The following UBE2QL1 variants were observed in gnomAD, a reference collection of about 807,000 sequenced individuals.
The protein encoded by UBE2QL1 is ubiquitin-conjugating enzyme E2Q-like protein 1.
Under a neutral mutation model 12.6 loss-of-function variants are expected in UBE2QL1, and 5 were observed. The observed-to-expected ratio is 0.40, with a 90% CI of 0.21 to 0.83. UBE2QL1 has a LOEUF of 0.83. UBE2QL1 is among the 40% of genes least tolerant of loss of function. The pLI is 0.37. For synonymous variants in UBE2QL1, 96 were observed against 94.5 expected (o/e 1.02, Z -0.10); for missense variants, 99 against 222.6 (o/e 0.44, Z 3.53).
At chr5:6,486,189 TC>T (rs1226554112) in intron 1 of UBE2QL1, among the ~76,000 whole-genome samples, 1 of 151,926 alleles carries the variant, frequency 6.6e-6, no homozygotes, top group African/African-American at 2.4e-5. Flanking sequence ...TATGAGAAAA[TC>T]GACATTCAGA....
At chr5:6,461,544 C>A (rs114702687) in intron 1 of UBE2QL1, among the ~76,000 whole-genome samples, 12 of 86,966 alleles carry the variant, frequency 1.4e-4, no homozygotes, top group Non-Finnish European at 2.0e-4. Flanking sequence ...GCACCCACCA[C>A]CCCCCCCCGC....
chr5:6,449,934 G>C (rs1289680496), intron 1 of UBE2QL1, among the ~76,000 whole-genome samples: 1 of 151,294 alleles, frequency 6.6e-6, no homozygotes, highest in South Asian at 2.1e-4. Context: ...CTGCAGGTGG[G>C]TGCCGTGGGG....
rs1734658812 is a variant in UBE2QL1, at chr5:6,495,944, C to G, written c.*4595C>G. Among the ~76,000 whole-genome samples the G allele has an allele frequency of 6.6e-6, 1 of 152,204 alleles. No individual in the cohort carries two copies. The highest frequency in any genetic ancestry group is 2.1e-4 in the South Asian group (1 of 4,828). On this transcript the variant is annotated 3_prime_UTR_variant, in exon 2 of 2. Transcript: ENST00000399816. ...AATAATCTGGAAAGGCAAACAAACT[C>G]TGTTGACATTCGGGAAAGCAATAAG...
chr5:6,449,340 G>C (rs985791307), intron 1 of UBE2QL1, 93 bp downstream of exon 1: 12 of 1,178,436 alleles, frequency 1.0e-5, no homozygotes, highest in African/African-American at 4.8e-5. Flanking sequence ...GGCCAGCGCC[G>C]GCCCCTCCGG....
At chr5:6,449,389 G>C (rs1340150822) in intron 1 of UBE2QL1, 142 bp downstream of exon 1, 2 of 807,474 alleles carry the variant, frequency 2.5e-6, no homozygotes, top group African/African-American at 1.8e-5. Flanking sequence ...AGCGCCCCAC[G>C]GGGATGCTCC....
rs914761161 is a variant in UBE2QL1, at chr5:6,481,456, G to C, written c.355-9762G>C. The stretch of plus-strand genomic sequence containing the variant: ...CTCACGGGCCTATGGCTAGAGAGCA[G>C]AGAGGGGGCACGCTCCCCTCCCCGC... On this transcript the variant is annotated intron_variant, in intron 1 of 1. Coordinates refer to ENST00000399816, the MANE Select transcript of UBE2QL1 (RefSeq NM_001145161.3). The surrounding 1 kb of genome is among the most constrained non-coding windows in gnomAD (Gnocchi z 4.5). Among the ~76,000 whole-genome samples, 3 of 152,192 alleles carry C rather than the reference G, an allele frequency of 2.0e-5. No homozygotes were observed. The highest frequency in any genetic ancestry group is 2.9e-5 in the Non-Finnish European group (2 of 68,034).
At chr5:6,470,231 G>C (rs1739882168) in intron 1 of UBE2QL1, among the ~76,000 whole-genome samples, 1 of 152,174 alleles carries the variant, frequency 6.6e-6, no homozygotes, top group Non-Finnish European at 1.5e-5. Flanking sequence ...TGTGTGTCCA[G>C]GCCTGCAACT....
rs1368068521 is a variant in UBE2QL1 at position 6,479,032 on chromosome 5, G to A, written c.355-12186G>A. Among the ~76,000 whole-genome samples the A allele has an allele frequency of 1.3e-5, 2 of 152,114 alleles. No individual in the cohort carries two copies. The highest frequency in any genetic ancestry group is 4.8e-5 in the African/African-American group (2 of 41,432). On this transcript the variant is annotated intron_variant, in intron 1 of 1. Transcript: ENST00000399816. The surrounding 1 kb of genome is among the most constrained non-coding windows in gnomAD (Gnocchi z 4.2). ...GCCCTGGGGGCGTCCCTTCTATCGT[G>A]TGCAGCATCAGGAGTCTGTTGGATC... is the stretch of plus-strand genomic sequence containing the variant.
chr5:6,472,145 G>A (rs775930706), intron 1 of UBE2QL1, among the ~76,000 whole-genome samples: 73 of 152,124 alleles, frequency 4.8e-4, no homozygotes, highest in Non-Finnish European at 8.5e-4. Flanking sequence ...CTGGTGGGCC[G>A]GCTGTGTCAC....
chr5:6,489,431 A>AAAAAAG (rs1553989719), intron 1 of UBE2QL1, among the ~76,000 whole-genome samples: 113 of 151,212 alleles, frequency 7.5e-4, no homozygotes, highest in African/African-American at 2.6e-3. Context: ...CTGTAAAAAA[A>AAAAAAG]AAAAAGAAAA....
intron 1 of UBE2QL1, among the ~76,000 whole-genome samples, chr5:6,453,238 A>G (rs999911143): frequency 2.0e-5 from 3 of 152,218 alleles, no homozygotes; most frequent in Non-Finnish European, 4.4e-5. Context: ...GGTGGAGTTT[A>G]TACAGCCACA....
Position 6,491,447 on chromosome 5 carries a change from C to T in UBE2QL1, c.*98C>T, listed in dbSNP as rs559477013. 6.6e-4 allele frequency: 923 copies of T among 1,402,902 alleles called. 1 individual carries two copies. The Middle Eastern group carries it at 7.1e-3, about 11-fold the overall frequency. The allele number at this position is 1,402,902 out of a possible 1,614,324, so 86.9% of individuals were successfully genotyped here. A position where few individuals can be genotyped will look rare whatever the true frequency, so the allele number is the denominator to read the frequency against. Reference sequence around the variant, plus strand: ...TGTGCATCCTCCACCCGTTTTTACTCCAGCCAGAACTGCATCCTGAATGCC... The same window carrying T: ...TGTGCATCCTCCACCCGTTTTTACTTCAGCCAGAACTGCATCCTGAATGCC... On this transcript the variant is annotated 3_prime_UTR_variant, in exon 2 of 2. Transcript: ENST00000399816.
At chr5:6,487,843 C>G (rs1734493445) in intron 1 of UBE2QL1, among the ~76,000 whole-genome samples, 1 of 152,202 alleles carries the variant, frequency 6.6e-6, no homozygotes, top group South Asian at 2.1e-4. Context: ...TCCCAAAGAC[C>G]TGCAGCAAGC....
At chr5:6,490,720 A>T (rs1734552106) in intron 1 of UBE2QL1, among the ~76,000 whole-genome samples, 1 of 152,270 alleles carries the variant, frequency 6.6e-6, no homozygotes, top group South Asian at 2.1e-4. Flanking sequence ...ATACAAATAT[A>T]CACATCTCTC....
In UBE2QL1 at chr5:6,478,541, G is replaced by A. The variant is rs769753730; in HGVS notation, c.355-12677G>A. 6.6e-6 allele frequency among the ~76,000 whole-genome samples: 1 copy of A among 152,138 alleles called. No individual in the cohort carries two copies. Among genetic ancestry groups the A allele is most frequent in the Non-Finnish European group, 1.5e-5 (1 of 68,034 alleles). On this transcript the variant is annotated intron_variant, in intron 1 of 1. Coordinates refer to ENST00000399816, the MANE Select transcript of UBE2QL1 (RefSeq NM_001145161.3). The surrounding 1 kb of genome is among the most constrained non-coding windows in gnomAD (Gnocchi z 4.5). ...CTGCTAGCAGGGCAGACAGCGAATG[G>A]TGGCTGCCTCTGTTTTGACAAATTC...
chr5:6,473,139 G>A (rs1207800020), intron 1 of UBE2QL1, among the ~76,000 whole-genome samples: 1 of 152,082 alleles, frequency 6.6e-6, no homozygotes, highest in East Asian at 1.9e-4. Context: ...TAGGAATGCG[G>A]CCTCCTAGTC....
At chr5:6,486,576 A>G (rs776469821) in intron 1 of UBE2QL1, among the ~76,000 whole-genome samples, 8 of 152,176 alleles carry the variant, frequency 5.3e-5, no homozygotes, top group Admixed American at 2.6e-4. Flanking sequence ...TCCCCAGTGT[A>G]GAATCCGTCA....
intron 1 of UBE2QL1, among the ~76,000 whole-genome samples, chr5:6,462,546 C>T (rs1312013355): frequency 6.6e-6 from 1 of 152,214 alleles, no homozygotes; most frequent in Non-Finnish European, 1.5e-5. Context: ...TGAGAATTGC[C>T]CGGGGGCATC....
rs961962569 is a variant in UBE2QL1, at chr5:6,494,467, G to C, written c.*3118G>C. Reference sequence around the variant, plus strand: ...TATGTAGATGAGTGAAAAAGACCTAGGATTGAAAGACAAAAAGCCATGTGT... The same window carrying C: ...TATGTAGATGAGTGAAAAAGACCTACGATTGAAAGACAAAAAGCCATGTGT... On this transcript the variant is annotated 3_prime_UTR_variant, in exon 2 of 2. Transcript: ENST00000399816. 2 of 152,104 alleles carry C rather than the reference G, an allele frequency of 1.3e-5. No individual in the cohort carries two copies. The highest frequency in any genetic ancestry group is 2.4e-5 in the African/African-American group (1 of 41,420). 9.4% of individuals were successfully genotyped at this position (152,104 alleles called of 1,614,324 possible).
Sources: gnomAD v4.1 joint callset for allele counts (sites outside exome capture counted in the v4.1 genomes callset) on GRCh38, gnomAD v4.1.1 for gene constraint, Gnocchi (gnomAD v3.1) non-coding constraint, MANE v1.5 for transcripts, NCBI Gene and HGNC (gene_info 2026-07-23, HGNC 2026-07-21) for gene names.